MED12L: variants seen among roughly 807,000 people sequenced by gnomAD.
The protein encoded by MED12L is mediator complex subunit 12L, also known as mediator of RNA polymerase II transcription subunit 12-like protein.
In MED12L, 60 loss-of-function variants were observed where a neutral mutation model predicts 281.3. That is an observed-to-expected ratio of 0.21 (90% CI 0.17 to 0.26). The LOEUF is 0.26. Among genes scored for constraint, MED12L ranks in the 10% least tolerant of loss-of-function variants. The pLI is 1.00. For missense variants in MED12L, 2,146 were observed against 2,680.9 expected, an observed-to-expected ratio of 0.80 and a Z score of 4.41; for synonymous variants, 974 against 987.2, an observed-to-expected ratio of 0.99 and a Z score of 0.25.
intron 16 of MED12L, among the ~76,000 whole-genome samples, chr3:151,292,551 G>C (rs1744399030): frequency 6.6e-6 from 1 of 151,472 alleles, no homozygotes; most frequent in African/African-American, 2.4e-5. Flanking sequence ...GATTACAGGT[G>C]TGAGCCACTG....
At chr3:151,240,201 G>A (rs1212505619) in intron 16 of MED12L, among the ~76,000 whole-genome samples, 1 of 151,952 alleles carries the variant, frequency 6.6e-6, no homozygotes, top group Non-Finnish European at 1.5e-5. Flanking sequence ...TAGTCAATGG[G>A]CCTGTGTCAA....
chr3:151,277,414 A>G (rs1325649264), intron 16 of MED12L, among the ~76,000 whole-genome samples: 1 of 152,054 alleles, frequency 6.6e-6, no homozygotes, highest in Non-Finnish European at 1.5e-5. Context: ...CTTAATGGCT[A>G]GGTTTTTTTT....
chr3:151,263,801 T>TA (rs1739350438), intron 16 of MED12L, among the ~76,000 whole-genome samples: 1 of 152,172 alleles, frequency 6.6e-6, no homozygotes, highest in African/African-American at 2.4e-5. Context: ...CTTGGTAAAA[T>TA]ACCTAACTCA....
At chr3:151,259,311 C>CT (rs528205588) in intron 16 of MED12L, among the ~76,000 whole-genome samples, 27 of 152,288 alleles carry the variant, frequency 1.8e-4, no homozygotes, top group Non-Finnish European at 3.1e-4. Context: ...TTCTTAAAGC[C>CT]TTTAAGATTT....
intron 16 of MED12L, chr3:151,294,459 T>TA: frequency 1.9e-6 from 3 of 1,614,184 alleles, no homozygotes; most frequent in Non-Finnish European, 2.5e-6. Context: ...AGAAAGCAGG[T>TA]AAAAAACACA....
At chr3:151,342,920 G>A (rs915505086) in intron 16 of MED12L, among the ~76,000 whole-genome samples, 3 of 152,120 alleles carry the variant, frequency 2.0e-5, no homozygotes, top group African/African-American at 7.2e-5. Context: ...TCTGAAGTAC[G>A]CGTATCATCC....
At chr3:151,216,235 C>T (rs1166376871) in intron 16 of MED12L, among the ~76,000 whole-genome samples, 1 of 152,174 alleles carries the variant, frequency 6.6e-6, no homozygotes, top group Non-Finnish European at 1.5e-5. Context: ...GAATACAAGG[C>T]ATGAATCCTT....
intron 16 of MED12L, among the ~76,000 whole-genome samples, chr3:151,217,804 G>T: frequency 6.6e-6 from 1 of 152,116 alleles, no homozygotes; most frequent in East Asian, 1.9e-4. Flanking sequence ...AAAGCAGTGG[G>T]GTTAATGGTG....
intron 16 of MED12L, chr3:151,213,821 C>G: frequency 6.2e-7 from 1 of 1,614,130 alleles, no homozygotes; most frequent in Non-Finnish European, 8.5e-7. Flanking sequence ...TGTGTAACCT[C>G]CCTAACACTC....
chr3:151,255,855 A>G (rs1737718041), intron 16 of MED12L, among the ~76,000 whole-genome samples: 1 of 152,190 alleles, frequency 6.6e-6, no homozygotes, highest in Non-Finnish European at 1.5e-5. Flanking sequence ...TCAGGCTGGT[A>G]ATGTAATCTC....
intron 16 of MED12L, among the ~76,000 whole-genome samples, chr3:151,295,775 T>C (rs1233218736): frequency 6.6e-6 from 1 of 152,188 alleles, no homozygotes; most frequent in African/African-American, 2.4e-5. Flanking sequence ...GGATCATTGA[T>C]AGGAATAGAA....
chr3:151,140,859 G>C lies in MED12L; in HGVS notation c.556+12875G>C, dbSNP rs529021430. On this transcript the variant is annotated intron_variant, in intron 5 of 44. Transcript: ENST00000687756. Reference sequence around the variant, plus strand: ...CACACGCAGATAATTTTGTTTGTTTGTTTGTTTGTTTGTTTGTTTGTTTTT... The same window carrying C: ...CACACGCAGATAATTTTGTTTGTTTCTTTGTTTGTTTGTTTGTTTGTTTTT... 2.0e-5 allele frequency among the ~76,000 whole-genome samples: 3 copies of C among 150,618 alleles called. No individual in the cohort carries two copies. In the South Asian group the frequency reaches 6.3e-4, roughly 32 times the overall value.
intron 18 of MED12L, among the ~76,000 whole-genome samples, chr3:151,355,677 A>G (rs1011853557): frequency 6.6e-6 from 1 of 152,246 alleles, no homozygotes; most frequent in African/African-American, 2.4e-5. Context: ...CTTAAGATTT[A>G]GGTCTGAATG....
chr3:151,434,023 G>A lies in MED12L; in HGVS notation c.*1219G>A, dbSNP rs1173751824. On this transcript the variant is annotated 3_prime_UTR_variant, in exon 45 of 45. Transcript: ENST00000687756. ...AATTATCAGTTTGTGTAACTTAAGA[G>A]TATTCTATATAATATTTTTTTAGAT... is the stretch of plus-strand genomic sequence containing the variant. 1 of 152,534 alleles carries A rather than the reference G, an allele frequency of 6.6e-6. No individual in the cohort carries two copies. The highest frequency in any genetic ancestry group is 2.4e-5 in the African/African-American group (1 of 41,426). The allele number at this position is 152,534 out of a possible 1,614,324, so 9.4% of individuals were successfully genotyped here. A position where few individuals can be genotyped will look rare whatever the true frequency, so the allele number is the denominator to read the frequency against.
At chr3:151,248,923 G>T (rs1736303081) in intron 16 of MED12L, 1 of 152,290 alleles carries the variant, frequency 6.6e-6, no homozygotes, top group Non-Finnish European at 1.5e-5. Context: ...ACTGAGTGTA[G>T]CATTTGATGT....
intron 16 of MED12L, among the ~76,000 whole-genome samples, chr3:151,258,416 A>G (rs1437168415): frequency 6.6e-6 from 1 of 152,216 alleles, no homozygotes; most frequent in Admixed American, 6.5e-5. Context: ...TTCTTGAAGA[A>G]TAAAATAAAA....
chr3:151,411,594 A>G lies in MED12L; in HGVS notation c.6140+87A>G, dbSNP rs1225760795. 3.4e-6 allele frequency: 4 copies of G among 1,192,252 alleles called. No individual in the cohort carries two copies. In the African/African-American group the frequency reaches 4.5e-5, roughly 14 times the overall value. The allele number at this position is 1,192,252 out of a possible 1,614,324, so 73.9% of individuals were successfully genotyped here. A position where few individuals can be genotyped will look rare whatever the true frequency, so the allele number is the denominator to read the frequency against. ...TTCTTATAGGGCATGGTACTTTATC[A>G]TTGTTTTTATGAGCTTGCATATTTG... On this transcript the variant is annotated intron_variant, in intron 41 of 44. Transcript: ENST00000687756.
At chr3:151,367,349 A>G (rs1377345566) in intron 23 of MED12L, among the ~76,000 whole-genome samples, 2 of 152,144 alleles carry the variant, frequency 1.3e-5, no homozygotes. Context: ...ATGATGTTAC[A>G]TCTTGTAGTG....
chr3:151,315,214 G>A (rs1309202584), intron 16 of MED12L, among the ~76,000 whole-genome samples: 1 of 152,156 alleles, frequency 6.6e-6, no homozygotes, highest in African/African-American at 2.4e-5. Context: ...AGAGTAAAGA[G>A]CTAAGCGTGA....
Sources: allele counts gnomAD v4.1 joint callset (sites outside exome capture counted in the v4.1 genomes callset), GRCh38; gene constraint gnomAD v4.1.1; transcripts MANE v1.5; gene names NCBI Gene and HGNC (gene_info 2026-07-23, HGNC 2026-07-21).